RGL1: variants seen among roughly 807,000 people sequenced by gnomAD.
RGL1 encodes the protein ral guanine nucleotide dissociation stimulator-like 1.
RGL1 carries 24 observed loss-of-function variants against 95.2 expected under a neutral mutation model. The ratio of observed to expected loss-of-function variants is 0.25; its 90% confidence interval spans 0.18 to 0.35. The LOEUF (loss-of-function observed/expected upper bound fraction) is 0.35, where lower values mean the gene tolerates loss of function less well. RGL1 is among the 10% of genes least tolerant of loss of function. The probability of loss-of-function intolerance (pLI) is 1.00; values close to 1 mark genes in which losing one functional copy is unlikely to be tolerated. For missense variants in RGL1, 715 were observed against 936.3 expected (o/e 0.76, Z 3.08); for synonymous variants, 329 against 344.9 (o/e 0.95, Z 0.51).
At chr1:183,640,850 T>A (rs75291028) in intron 1 of RGL1, among the ~76,000 whole-genome samples, 10,244 of 151,956 alleles carry the variant, frequency 0.067, 589 homozygotes, top group African/African-American at 0.16. Context: ...TTCTGCTTTG[T>A]TCCTATTTCA....
At chr1:183,788,120 T>G (rs1241238085) in intron 2 of RGL1, among the ~76,000 whole-genome samples, 1 of 152,246 alleles carries the variant, frequency 6.6e-6, no homozygotes, top group East Asian at 1.9e-4. Flanking sequence ...GTTTGTCTCC[T>G]GTACTAGTCA....
intron 14 of RGL1, among the ~76,000 whole-genome samples, chr1:183,907,847 A>T (rs1421100717): frequency 6.6e-6 from 1 of 152,046 alleles, no homozygotes; most frequent in Non-Finnish European, 1.5e-5. Flanking sequence ...CACTTAAAAT[A>T]TTAGCTGGGC....
intron 1 of RGL1, among the ~76,000 whole-genome samples, chr1:183,734,458 G>A (rs1407588654): frequency 1.3e-5 from 2 of 152,202 alleles, no homozygotes; most frequent in Non-Finnish European, 2.9e-5. Flanking sequence ...AGTATCTGGT[G>A]TAGTAAATAT....
At chr1:183,837,153 G>C (rs767709541) in intron 2 of RGL1, among the ~76,000 whole-genome samples, 1 of 152,220 alleles carries the variant, frequency 6.6e-6, no homozygotes, top group Non-Finnish European at 1.5e-5. Context: ...TGGTGAAGGA[G>C]CACTTATAAA....
intron 4 of RGL1, among the ~76,000 whole-genome samples, chr1:183,869,110 A>C (rs1002714326): frequency 2.0e-5 from 3 of 152,194 alleles, no homozygotes; most frequent in African/African-American, 7.2e-5. Context: ...AGAGTGAGTG[A>C]GACCTTGTCT....
At chr1:183,895,746 T>A (rs1175838550) in intron 9 of RGL1, among the ~76,000 whole-genome samples, 1 of 152,146 alleles carries the variant, frequency 6.6e-6, no homozygotes, top group Non-Finnish European at 1.5e-5. Flanking sequence ...AACTGCTGGA[T>A]GTGGCAGGTA....
intron 4 of RGL1, among the ~76,000 whole-genome samples, chr1:183,870,224 T>G (rs1666087029): frequency 6.6e-6 from 1 of 152,108 alleles, no homozygotes; most frequent in Non-Finnish European, 1.5e-5. Flanking sequence ...AGTGTCCCAG[T>G]CTGACGTGAC....
At position 183,900,233 on chromosome 1, in the gene RGL1, C is replaced by T. The variant is rs770302492; in HGVS notation, c.1314C>T (p.Ile438=). 67 of 1,613,160 alleles carry T rather than the reference C, an allele frequency of 4.2e-5. No individual in the cohort carries two copies. Among genetic ancestry groups the T allele is most frequent in the Non-Finnish European group, 5.3e-5 (62 of 1,179,314 alleles). ...TMLDTALQDY[I]EGGLINFEKR... is the part of the protein sequence containing the mutation. ...TTGACACTGCCCTTCAGGACTACAT[C>T]GAGGTGAGTTCCATGTGGGTGGTGT... Residue 438 remains isoleucine, a synonymous_variant, in exon 11 of 18, where the codon ATC becomes ATT. Coordinates refer to ENST00000360851, the MANE Select transcript of RGL1 (RefSeq NM_001297671.3).
intron 1 of RGL1, among the ~76,000 whole-genome samples, chr1:183,685,747 C>G (rs973915529): frequency 6.6e-6 from 1 of 152,130 alleles, no homozygotes; most frequent in Non-Finnish European, 1.5e-5. Context: ...TTCCTTCAGA[C>G]CTAACATGTG....
Position 183,812,951 on chromosome 1 carries a change from G to A in RGL1, c.138+6466G>A, listed in dbSNP as rs148087696. Among the ~76,000 whole-genome samples, 886 of 152,348 alleles carry A rather than the reference G, an allele frequency of 5.8e-3. 10 individuals carry two copies. The highest frequency in any genetic ancestry group is 9.8e-3 in the Non-Finnish European group (670 of 68,028). On this transcript the variant is annotated intron_variant, in intron 2 of 17. Transcript: ENST00000360851. ...CAAGAACCTGGAATGCTAAGCTATG[G>A]AATCTGCTTCATCTTTAATGTTAGC...
In RGL1 at chr1:183,880,794, A is replaced by G; in HGVS notation, c.604A>G (p.Thr202Ala). The G allele has an allele frequency of 2.5e-6, 4 of 1,613,630 alleles. No homozygotes were observed. The highest frequency in any genetic ancestry group is 3.4e-6 in the Non-Finnish European group (4 of 1,179,690). ...GCAGTTTCAGAAGCAAGAAGTGGAA[A>G]CTGACAGTGAGTACTTGTTTGTTCC... Reference protein sequence around the residue: ...LEQFQKQEVETDNGLPNTISF... With the variant: ...LEQFQKQEVEADNGLPNTISF... The change falls in exon 5 of 18, where the codon ACT (threonine) becomes GCT (alanine). Residue 202 changes from threonine to alanine, a missense_variant. This residue lies in a region of RGL1 where 381 missense variants were observed against 484.8 expected (regional missense o/e 0.79). Coordinates refer to ENST00000360851, the MANE Select transcript of RGL1 (RefSeq NM_001297671.3).
intron 1 of RGL1, among the ~76,000 whole-genome samples, chr1:183,711,480 G>T (rs1356472635): frequency 6.6e-6 from 1 of 152,136 alleles, no homozygotes; most frequent in African/African-American, 2.4e-5. Flanking sequence ...GGGGTGAGGT[G>T]ACAGAGAAGC....
In RGL1 at chr1:183,877,552, G is replaced by A. The variant is rs563094798; in HGVS notation, c.426-3064G>A. ...TTTCCAGAAAGCTTCCCTGCCTGGTGTGCTGAGAAACGCTCTGCCGATGAG... is the reference window on the plus strand; with the variant it reads ...TTTCCAGAAAGCTTCCCTGCCTGGTATGCTGAGAAACGCTCTGCCGATGAG... On this transcript the variant is annotated intron_variant, in intron 4 of 17. Transcript: ENST00000360851. Among the ~76,000 whole-genome samples the A allele has an allele frequency of 3.4e-4, 52 of 152,362 alleles. 1 individual carries two copies. The South Asian group carries it at 0.01, about 30-fold the overall frequency.
chr1:183,783,590 CTCTT>C (rs1660010640), intron 2 of RGL1, among the ~76,000 whole-genome samples: 1 of 152,186 alleles, frequency 6.6e-6, no homozygotes, highest in South Asian at 2.1e-4. Context: ...AGCCAAGTCT[CTCTT>C]TCCTGCTCCC....
chr1:183,664,865 T>C (rs573345617), intron 1 of RGL1, among the ~76,000 whole-genome samples: 1 of 149,990 alleles, frequency 6.7e-6, no homozygotes, highest in African/African-American at 2.5e-5. Flanking sequence ...CTTTCCAACC[T>C]GTATACTTTT....
intron 1 of RGL1, among the ~76,000 whole-genome samples, chr1:183,805,971 C>CTTTT (rs751229707): frequency 1.2e-3 from 88 of 74,398 alleles, no homozygotes; most frequent in East Asian, 1.4e-3. Context: ...CTTTTCTTTT[C>CTTTT]TTTTTTTTTT....
At chr1:183,698,879 C>T (rs866244208) in intron 1 of RGL1, among the ~76,000 whole-genome samples, 1 of 152,260 alleles carries the variant, frequency 6.6e-6, no homozygotes, top group Middle Eastern at 3.4e-3. Flanking sequence ...ATGGTATGTT[C>T]AAAGTCATTT....
In RGL1 at chr1:183,913,182, C is replaced by CTTT. The variant is rs537751695; in HGVS notation, c.1749+940_1749+942dup. Among the ~76,000 whole-genome samples, 92 of 68,280 alleles carry CTTT rather than the reference C, an allele frequency of 1.3e-3. 9 individuals carry two copies. Among genetic ancestry groups the CTTT allele is most frequent in the East Asian group, 6.0e-3 (12 of 2,006 alleles). The allele number at this position is 68,280 out of a possible 152,430, so 44.8% of individuals were successfully genotyped here. On this transcript the variant is annotated intron_variant, in intron 15 of 17. Coordinates refer to ENST00000360851, the MANE Select transcript of RGL1 (RefSeq NM_001297671.3). ...TAAGATCTTAATTAAGACCAGTCTT[C>CTTT]TTTTTTTTTTTTTTTTTTTTTTTTT...
chr1:183,709,141 G>T (rs74433936), intron 1 of RGL1, among the ~76,000 whole-genome samples: 2 of 152,250 alleles, frequency 1.3e-5, no homozygotes, highest in African/African-American at 4.8e-5. Flanking sequence ...CAGCCTTCAG[G>T]GGGTACGTGT....
Sources: gnomAD v4.1 joint callset for allele counts (sites outside exome capture counted in the v4.1 genomes callset) on GRCh38, gnomAD v4.1.1 for gene constraint, gnomAD v4.1.1 regional missense constraint, MANE v1.5 for transcripts, NCBI Gene and HGNC (gene_info 2026-07-23, HGNC 2026-07-21) for gene names.